RPS6KA5: variants seen among roughly 807,000 people sequenced by gnomAD.
RPS6KA5 encodes the protein ribosomal protein S6 kinase A5.
A neutral mutation model predicts 85.5 loss-of-function variants in RPS6KA5; 27 were observed. The ratio of observed to expected loss-of-function variants is 0.32; its 90% CI spans 0.23 to 0.44. The LOEUF is 0.44. Ranked by LOEUF, RPS6KA5 falls within the 20% of genes least tolerant of loss-of-function variation. The pLI, the probability that RPS6KA5 is intolerant of heterozygous loss-of-function variation, is 1.00. For synonymous variants in RPS6KA5, 334 were observed against 348.2 expected, an observed-to-expected ratio of 0.96 and a Z score of 0.46; for missense variants, 811 against 980.9, an observed-to-expected ratio of 0.83 and a Z score of 2.31.
At position 90,872,042 on chromosome 14, in the gene RPS6KA5, T is replaced by G. The variant is rs1412735736; in HGVS notation, c.*32A>C. The G allele has an allele frequency of 6.3e-7, 1 of 1,589,920 alleles. No individual in the cohort carries two copies. The highest frequency in any genetic ancestry group is 8.5e-7 in the Non-Finnish European group (1 of 1,170,160). On this transcript the variant is annotated 3_prime_UTR_variant, in exon 17 of 17. Transcript: ENST00000614987. ...CAGGCATATGCTGAGGGAATAAAGGTGCAATGGATCACTGATACACTCCTA... is the reference window on the plus strand; with the variant it reads ...CAGGCATATGCTGAGGGAATAAAGGGGCAATGGATCACTGATACACTCCTA...
chr14:91,037,345 C>T (rs1305841906), intron 1 of RPS6KA5, among the ~76,000 whole-genome samples: 3 of 152,166 alleles, frequency 2.0e-5, no homozygotes. Context: ...ATAAAGACAC[C>T]CTGAATGCCA....
At position 90,946,789 on chromosome 14, in the gene RPS6KA5, G is replaced by A. The variant is rs374434934; in HGVS notation, c.510+646C>T. On this transcript the variant is annotated intron_variant, in intron 4 of 16. Coordinates refer to ENST00000614987, the MANE Select transcript of RPS6KA5 (RefSeq NM_004755.4). ...TCCTCATTAAGTAAAACAAAAAACCGAGTGAAAATTTCTTGGCTCAAGATT... is the reference window on the plus strand; with the variant it reads ...TCCTCATTAAGTAAAACAAAAAACCAAGTGAAAATTTCTTGGCTCAAGATT... Among the ~76,000 whole-genome samples the A allele has an allele frequency of 3.0e-4, 45 of 152,222 alleles. No homozygotes were observed. The South Asian group carries it at 7.3e-3, about 25-fold the overall frequency.
chr14:90,929,194 T>C (rs2036837833), intron 5 of RPS6KA5, among the ~76,000 whole-genome samples: 1 of 152,074 alleles, frequency 6.6e-6, no homozygotes, highest in African/African-American at 2.4e-5. Context: ...TACATGTTCT[T>C]TAATGTAAAA....
intron 3 of RPS6KA5, among the ~76,000 whole-genome samples, chr14:90,959,325 G>A (rs2038681743): frequency 6.6e-6 from 1 of 152,220 alleles, no homozygotes; most frequent in South Asian, 2.1e-4. Context: ...GCAGAGTTCT[G>A]AGTAGGATAG....
intron 1 of RPS6KA5, among the ~76,000 whole-genome samples, chr14:91,022,390 A>C (rs1254932475): frequency 6.6e-6 from 1 of 152,218 alleles, no homozygotes; most frequent in Admixed American, 6.5e-5. Context: ...GTCTCTACCT[A>C]GTATGAAAGC....
At position 90,868,846 on chromosome 14, in the gene RPS6KA5, C is replaced by T. The variant is rs913518816; in HGVS notation, c.*3228G>A. On this transcript the variant is annotated 3_prime_UTR_variant, in exon 17 of 17. Transcript: ENST00000614987. Reference sequence around the variant, plus strand: ...ATCTTAGTAGATTTCTTTAAAATAACTTACCTTATATTTAAAAGTTAGTCA... The same window carrying T: ...ATCTTAGTAGATTTCTTTAAAATAATTTACCTTATATTTAAAAGTTAGTCA... 39 of 152,088 alleles carry T rather than the reference C, an allele frequency of 2.6e-4. No individual in the cohort carries two copies. Among genetic ancestry groups the T allele is most frequent in the African/African-American group, 8.9e-4 (37 of 41,402 alleles). The allele number at this position is 152,088 out of a possible 1,614,324, so 9.4% of individuals were successfully genotyped here.
At chr14:91,008,917 G>A (rs78873563) in intron 1 of RPS6KA5, among the ~76,000 whole-genome samples, 2,728 of 152,314 alleles carry the variant, frequency 0.018, 64 homozygotes, top group African/African-American at 0.063. Context: ...TAAAAAAGAT[G>A]TGTACTAATG....
intron 8 of RPS6KA5, among the ~76,000 whole-genome samples, chr14:90,904,096 A>G (rs534097906): frequency 6.6e-6 from 1 of 151,976 alleles, no homozygotes; most frequent in African/African-American, 2.4e-5. Context: ...ACTACAGGCG[A>G]CCGCCACCAT....
chr14:90,935,471 G>A (rs776872430), intron 5 of RPS6KA5, among the ~76,000 whole-genome samples: 1 of 152,076 alleles, frequency 6.6e-6, no homozygotes, highest in Non-Finnish European at 1.5e-5. Flanking sequence ...CTATAAATTA[G>A]GTATGATAAA....
At chr14:90,953,594 T>TG (rs2038338412) in intron 3 of RPS6KA5, among the ~76,000 whole-genome samples, 1 of 152,148 alleles carries the variant, frequency 6.6e-6, no homozygotes, top group Non-Finnish European at 1.5e-5. Context: ...CAAACGGACG[T>TG]GCAAGTAGGG....
At chr14:91,060,182 G>T (rs1451171034) in intron 1 of RPS6KA5, 150 bp downstream of exon 1, 2 of 973,586 alleles carry the variant, frequency 2.1e-6, no homozygotes, top group African/African-American at 3.5e-5. Flanking sequence ...GGACCCCCGG[G>T]GCACGCGCCC....
chr14:90,962,506 C>G (rs932472841), intron 3 of RPS6KA5, among the ~76,000 whole-genome samples: 2 of 151,894 alleles, frequency 1.3e-5, no homozygotes, highest in African/African-American at 4.8e-5. Flanking sequence ...TGGCTGGTCT[C>G]GAACTCCTGA....
intron 7 of RPS6KA5, among the ~76,000 whole-genome samples, chr14:90,906,728 CT>C (rs766537738): frequency 6.6e-6 from 1 of 152,128 alleles, no homozygotes; most frequent in Non-Finnish European, 1.5e-5. Flanking sequence ...GAACAACCAT[CT>C]TTACCTCACT....
intron 1 of RPS6KA5, among the ~76,000 whole-genome samples, chr14:91,010,353 CA>C (rs2041207859): frequency 6.6e-6 from 1 of 152,128 alleles, no homozygotes; most frequent in Non-Finnish European, 1.5e-5. Flanking sequence ...GGACTCTAAC[CA>C]TTCAGGCCGT....
intron 6 of RPS6KA5, 118 bp downstream of exon 6, chr14:90,922,995 G>C: frequency 5.9e-6 from 4 of 678,746 alleles, no homozygotes; most frequent in South Asian, 5.7e-5. Context: ...AAAAAGGAAG[G>C]TAAGACAATC....
chr14:91,012,598 G>C (rs1313883980), intron 1 of RPS6KA5, among the ~76,000 whole-genome samples: 1 of 152,156 alleles, frequency 6.6e-6, no homozygotes, highest in Non-Finnish European at 1.5e-5. Flanking sequence ...TGTCTGCCCA[G>C]GTTTCCCTCA....
At chr14:90,945,309 T>C (rs552606039) in intron 4 of RPS6KA5, among the ~76,000 whole-genome samples, 40 of 152,328 alleles carry the variant, frequency 2.6e-4, no homozygotes, top group African/African-American at 9.6e-4. Context: ...AGCCCCAGTG[T>C]TCTACAAGAC....
intron 1 of RPS6KA5, among the ~76,000 whole-genome samples, chr14:91,046,255 A>T (rs7156757): frequency 2.0e-5 from 3 of 151,954 alleles, no homozygotes; most frequent in Non-Finnish European, 4.4e-5. Flanking sequence ...CCAGACACAC[A>T]GTAGGAATTC....
chr14:91,007,294 C>T (rs774185489), intron 1 of RPS6KA5, among the ~76,000 whole-genome samples: 2 of 152,124 alleles, frequency 1.3e-5, no homozygotes, highest in Admixed American at 6.6e-5. Context: ...AGAGTATCAA[C>T]AAACTAAAAA....
Sources: allele counts gnomAD v4.1 joint callset (sites outside exome capture counted in the v4.1 genomes callset), GRCh38; gene constraint gnomAD v4.1.1; transcripts MANE v1.5; gene names NCBI Gene and HGNC (gene_info 2026-07-23, HGNC 2026-07-21).